ZBTB7C: variants seen among roughly 807,000 people sequenced by gnomAD.
The protein encoded by ZBTB7C is zinc finger and BTB domain-containing protein 7C.
A neutral mutation model predicts 25.7 loss-of-function variants in ZBTB7C; 8 were observed. The observed-to-expected ratio is 0.31, with a 90% CI of 0.18 to 0.56. The LOEUF (loss-of-function observed/expected upper bound fraction) is 0.56. ZBTB7C is among the 20% of genes least tolerant of loss of function. ZBTB7C has a pLI of 0.91. For synonymous variants in ZBTB7C, 394 were observed against 369.0 expected, an observed-to-expected ratio of 1.07 and a Z score of -0.78; for missense variants, 824 against 855.2, an observed-to-expected ratio of 0.96 and a Z score of 0.46.
At chr18:48,367,238 TACAC>T (rs59885270) in intron 1 of ZBTB7C, among the ~76,000 whole-genome samples, 11 of 92,360 alleles carry the variant, frequency 1.2e-4, no homozygotes, top group South Asian at 1.0e-3. Context: ...CACACATACA[TACAC>T]ACACACACAC....
chr18:48,305,267 T>G (rs1444160253), intron 2 of ZBTB7C, among the ~76,000 whole-genome samples: 2 of 152,222 alleles, frequency 1.3e-5, no homozygotes, highest in African/African-American at 4.8e-5. Flanking sequence ...GACCCAGCCA[T>G]CCATACCTGA....
intron 4 of ZBTB7C, among the ~76,000 whole-genome samples, chr18:48,036,915 C>T (rs1049497338): frequency 6.6e-6 from 1 of 152,206 alleles, no homozygotes; most frequent in Non-Finnish European, 1.5e-5. Flanking sequence ...GCTTGGGGCT[C>T]TTCAAGCACG....
rs1308716345 is a variant in ZBTB7C, at chr18:48,132,501, T to C, written c.-17+53433A>G. ...ACTATAAAACTGATTATGATAATGG[T>C]TACACAGCCCTGCAAATATGCTAAA... On this transcript the variant is annotated intron_variant, in intron 3 of 4. Coordinates refer to ENST00000590800, the MANE Select transcript of ZBTB7C (RefSeq NM_001318841.2). 2.6e-5 allele frequency among the ~76,000 whole-genome samples: 4 copies of C among 152,216 alleles called. No homozygotes were observed. In the East Asian group the frequency reaches 7.7e-4, roughly 29 times the overall value.
At chr18:48,352,432 C>T (rs2046886551) in intron 1 of ZBTB7C, among the ~76,000 whole-genome samples, 1 of 152,224 alleles carries the variant, frequency 6.6e-6, no homozygotes, top group African/African-American at 2.4e-5. Flanking sequence ...CACCCAGGCC[C>T]CAAAGGCCCA....
At chr18:48,110,268 C>T (rs28625290) in intron 3 of ZBTB7C, among the ~76,000 whole-genome samples, 41,821 of 151,904 alleles carry the variant, frequency 0.28, 6,771 homozygotes, top group African/African-American at 0.44. Context: ...TCAGTAAGGA[C>T]GCCGTGCCAC....
intron 3 of ZBTB7C, among the ~76,000 whole-genome samples, chr18:48,132,113 A>C (rs1355175626): frequency 6.6e-6 from 1 of 152,254 alleles, no homozygotes; most frequent in Non-Finnish European, 1.5e-5. Flanking sequence ...CATTATTTAC[A>C]GAAGCCAAAT....
At chr18:48,074,955 C>T (rs914781380) in intron 3 of ZBTB7C, among the ~76,000 whole-genome samples, 3 of 152,152 alleles carry the variant, frequency 2.0e-5, no homozygotes, top group Non-Finnish European at 4.4e-5. Flanking sequence ...TTTTTTAATT[C>T]TCAAATTTCC....
chr18:48,285,248 G>A (rs1264790050), intron 2 of ZBTB7C, among the ~76,000 whole-genome samples: 2 of 152,158 alleles, frequency 1.3e-5, no homozygotes, highest in African/African-American at 2.4e-5. Flanking sequence ...ATCTCTTACA[G>A]TAATTGTAGA....
chr18:48,248,475 C>T (rs2043758393), intron 2 of ZBTB7C, among the ~76,000 whole-genome samples: 1 of 152,132 alleles, frequency 6.6e-6, no homozygotes, highest in Non-Finnish European at 1.5e-5. Context: ...CCTGTCTTCC[C>T]TATTGCAAAT....
chr18:48,137,232 G>A (rs1283401754), intron 3 of ZBTB7C: 1 of 985,434 alleles, frequency 1.0e-6, no homozygotes, highest in East Asian at 1.1e-4. Context: ...GAGCCCCTTT[G>A]GTCCACCTGT....
intron 2 of ZBTB7C, among the ~76,000 whole-genome samples, chr18:48,329,617 T>G (rs944738596): frequency 6.6e-6 from 1 of 152,086 alleles, no homozygotes; most frequent in Non-Finnish European, 1.5e-5. Flanking sequence ...CTGGGTGCAG[T>G]TTATGTATGT....
chr18:48,339,370 G>C (rs1310409699), intron 1 of ZBTB7C, among the ~76,000 whole-genome samples: 1 of 152,218 alleles, frequency 6.6e-6, no homozygotes, highest in Non-Finnish European at 1.5e-5. Flanking sequence ...TTGCAGACAA[G>C]GGGAAGCCCC....
chr18:48,164,090 C>T (rs1192791242), intron 3 of ZBTB7C, among the ~76,000 whole-genome samples: 2 of 152,214 alleles, frequency 1.3e-5, no homozygotes, highest in Admixed American at 6.5e-5. Context: ...ACTCCAAGTA[C>T]ATAAAACCAA....
At position 48,395,498 on chromosome 18, in the gene ZBTB7C, A is replaced by C. The variant is rs188834194; in HGVS notation, c.-304+13728T>G. Reference sequence around the variant, plus strand: ...GTGTGTGTGTGTGTGTGTGTGTCAGAGGGGTTGGGGGTGATGTGTATGAAG... The same window carrying C: ...GTGTGTGTGTGTGTGTGTGTGTCAGCGGGGTTGGGGGTGATGTGTATGAAG... On this transcript the variant is annotated intron_variant, in intron 1 of 4. Coordinates refer to ENST00000590800, the MANE Select transcript of ZBTB7C (RefSeq NM_001318841.2). Among the ~76,000 whole-genome samples, 308 of 134,652 alleles carry C rather than the reference A, an allele frequency of 2.3e-3. 2 individuals are homozygous for C. The highest frequency in any genetic ancestry group is 9.1e-3 in the African/African-American group (300 of 32,970). 88.3% of individuals were successfully genotyped at this position (134,652 alleles called of 152,430 possible).
At chr18:48,294,210 T>A (rs2045323372) in intron 2 of ZBTB7C, among the ~76,000 whole-genome samples, 1 of 152,208 alleles carries the variant, frequency 6.6e-6, no homozygotes, top group African/African-American at 2.4e-5. Flanking sequence ...CAGCCTGGAA[T>A]TTGAAATTAA....
intron 2 of ZBTB7C, among the ~76,000 whole-genome samples, chr18:48,223,480 G>A (rs1244929596): frequency 6.6e-6 from 1 of 152,206 alleles, no homozygotes; most frequent in East Asian, 1.9e-4. Flanking sequence ...AGAAAGCAGG[G>A]TTGCAAAGGG....
intron 3 of ZBTB7C, among the ~76,000 whole-genome samples, chr18:48,172,508 T>C (rs752946161): frequency 1.3e-5 from 2 of 152,086 alleles, no homozygotes; most frequent in Admixed American, 1.3e-4. Flanking sequence ...TCGGGTGACC[T>C]CCTGGCCTCC....
At chr18:48,346,212 C>T (rs896599386) in intron 1 of ZBTB7C, among the ~76,000 whole-genome samples, 1 of 152,228 alleles carries the variant, frequency 6.6e-6, no homozygotes, top group Non-Finnish European at 1.5e-5. Context: ...TCTGCCCCAG[C>T]TTCACCCCAC....
At chr18:48,349,801 T>G (rs2046823429) in intron 1 of ZBTB7C, among the ~76,000 whole-genome samples, 1 of 152,098 alleles carries the variant, frequency 6.6e-6, no homozygotes, top group African/African-American at 2.4e-5. Flanking sequence ...GGGTACACAG[T>G]ACTGGCATCC....
Sources: gnomAD v4.1 joint callset for allele counts (sites outside exome capture counted in the v4.1 genomes callset) on GRCh38, gnomAD v4.1.1 for gene constraint, MANE v1.5 for transcripts, NCBI Gene and HGNC (gene_info 2026-07-23, HGNC 2026-07-21) for gene names.